Variants in RNASE11 observed in about 807,000 individuals in gnomAD.
RNASE11 encodes putative inactive ribonuclease 11.
For synonymous variants in RNASE11, 105 were observed against 86.1 expected (o/e 1.22, Z -1.21); for missense variants, 252 against 237.8 (o/e 1.06, Z -0.39).
upstream of RNASE11, among the ~76,000 whole-genome samples, chr14:20,589,219 C>T (rs1036044910): frequency 5.9e-5 from 9 of 151,480 alleles, no homozygotes; most frequent in Non-Finnish European, 1.2e-4. Flanking sequence ...ATTGGATCTT[C>T]AAAATTTTGT....
upstream of RNASE11, among the ~76,000 whole-genome samples, chr14:20,589,115 C>T (rs901033559): frequency 2.6e-5 from 4 of 151,608 alleles, no homozygotes; most frequent in Non-Finnish European, 4.4e-5. Context: ...AAAATAATCC[C>T]TGATGAACAA....
chr14:20,584,757 G>C (rs993659536), intron 1 of RNASE11, among the ~76,000 whole-genome samples: 1 of 151,900 alleles, frequency 6.6e-6, no homozygotes, highest in African/African-American at 2.4e-5. Context: ...TGAGAATTAC[G>C]TAAGGTGACA....
At chr14:20,583,438 AC>A (rs1190886526), downstream of RNASE11, 1 of 167,962 alleles carries the variant, frequency 6.0e-6, no homozygotes. Flanking sequence ...GTGAGCACAT[AC>A]CCTTTGAAGA....
exon 2 of RNASE11, chr14:20,583,652 C>G (rs7151066): frequency 0.31 from 87,253 of 282,732 alleles, 18,286 homozygotes; most frequent in African/African-American, 0.49. Context: ...ACCCTCCCCC[C>G]ACACAGAGAG....
At position 20,584,087 on chromosome 14, in the gene RNASE11, T is replaced by G. The variant is rs1353720898; in HGVS notation, c.388A>C (p.Arg130=). The G allele has an allele frequency of 6.2e-6, 10 of 1,614,100 alleles. No homozygotes were observed. In the African/African-American group the frequency reaches 8.0e-5, roughly 13 times the overall value. The change falls in exon 2 of 2, where the codon AGG becomes CGG. Residue 130 remains arginine, a synonymous_variant. Coordinates refer to ENST00000553849, the Ensembl canonical transcript of RNASE11. Reference sequence around the variant, plus strand: ...TTGCAGCTGGGGGCCCTGTGGACCCTGCGCATCACTTCTGTGGAGCTGCGG... The same window carrying G: ...TTGCAGCTGGGGGCCCTGTGGACCCGGCGCATCACTTCTGTGGAGCTGCGG...
upstream of RNASE11, among the ~76,000 whole-genome samples, chr14:20,588,779 T>A (rs1884490586): frequency 6.6e-6 from 1 of 152,188 alleles, no homozygotes; most frequent in Admixed American, 6.5e-5. Flanking sequence ...GCAACAATTT[T>A]AGAAAATATT....
chr14:20,589,915 C>G (rs1268893191), upstream of RNASE11, among the ~76,000 whole-genome samples: 1 of 152,050 alleles, frequency 6.6e-6, no homozygotes, highest in Non-Finnish European at 1.5e-5. Flanking sequence ...ACACTGAAAT[C>G]AAATATATTC....
downstream of RNASE11, chr14:20,583,129 G>T (rs1165417983): frequency 1.3e-5 from 2 of 152,194 alleles, no homozygotes; most frequent in African/African-American, 4.8e-5. Context: ...AGTCCTGCCT[G>T]GTACTTAGCA....
chr14:20,589,898 A>G (rs1884530130), upstream of RNASE11, among the ~76,000 whole-genome samples: 1 of 152,142 alleles, frequency 6.6e-6, no homozygotes, highest in Non-Finnish European at 1.5e-5. Flanking sequence ...AAAAAAAGAA[A>G]AAGGAAACAC....
chr14:20,585,748 T>C (rs1390659173), intron 1 of RNASE11, among the ~76,000 whole-genome samples: 1 of 152,214 alleles, frequency 6.6e-6, no homozygotes, highest in East Asian at 1.9e-4. Context: ...TTATTTAGTG[T>C]GTGTAATTAC....
chr14:20,586,111 C>G (rs1258668325), intron 1 of RNASE11, among the ~76,000 whole-genome samples: 1 of 152,234 alleles, frequency 6.6e-6, no homozygotes, highest in Admixed American at 6.5e-5. Context: ...GAAGTCTGAT[C>G]CCCTGAGCCC....
At chr14:20,590,065 A>G, upstream of RNASE11, 1 of 923,836 alleles carries the variant, frequency 1.1e-6, no homozygotes, top group South Asian at 2.0e-5. Context: ...ATGGAAACAC[A>G]TGTAGAATTT....
upstream of RNASE11, chr14:20,587,935 G>T: frequency 2.5e-6 from 2 of 795,366 alleles, no homozygotes; most frequent in Non-Finnish European, 3.0e-6. Context: ...GAAAAGATCA[G>T]GACAGAGAGT....
At chr14:20,584,208 G>A (rs770662267) in exon 2 of RNASE11, 8 of 1,614,042 alleles carry the variant, frequency 5.0e-6, no homozygotes, top group Admixed American at 3.3e-5. Context: ...TACCCGAACT[G>A]TTTCCCTTGG....
At chr14:20,583,240 T>A (rs182034860), downstream of RNASE11, 4 of 152,376 alleles carry the variant, frequency 2.6e-5, no homozygotes, top group African/African-American at 9.6e-5. Context: ...GAATAAAGAT[T>A]ACAATAAGAA....
At chr14:20,584,367 T>C (rs755740474) in exon 2 of RNASE11, 1 of 1,614,230 alleles carries the variant, frequency 6.2e-7, no homozygotes, top group Non-Finnish European at 8.5e-7. Flanking sequence ...CCATGTCATA[T>C]TGCATCTCTT....
intron 1 of RNASE11, among the ~76,000 whole-genome samples, chr14:20,585,792 A>G (rs1284403391): frequency 1.3e-5 from 2 of 152,234 alleles, no homozygotes; most frequent in Non-Finnish European, 2.9e-5. Context: ...ACTATTTGTT[A>G]ACAACATAAC....
At chr14:20,583,772 T>C in exon 2 of RNASE11, 2 of 1,261,972 alleles carry the variant, frequency 1.6e-6, no homozygotes, top group Non-Finnish European at 2.2e-6. Flanking sequence ...AATCAGGAGT[T>C]CACTATAGTG....
chr14:20,586,773 G>A (rs1015413444), intron 1 of RNASE11, among the ~76,000 whole-genome samples: 22 of 152,218 alleles, frequency 1.4e-4, no homozygotes, highest in African/African-American at 4.6e-4. Flanking sequence ...GAAATTTCCA[G>A]TCTTTCTGAG....
Sources: gnomAD v4.1 joint callset for allele counts (sites outside exome capture counted in the v4.1 genomes callset) on GRCh38, gnomAD v4.1.1 for gene constraint, MANE v1.5 for transcripts, NCBI Gene and HGNC (gene_info 2026-07-23, HGNC 2026-07-21) for gene names.